Variants in SCAF4 observed in about 807,000 individuals in gnomAD.
SCAF4 encodes SR-related CTD associated factor 4, also known as SR-related and CTD-associated factor 4.
SCAF4 carries 25 observed loss-of-function variants against 129.8 expected under a neutral mutation model. That is an observed-to-expected ratio of 0.19 (90% CI 0.14 to 0.27). The LOEUF (loss-of-function observed/expected upper bound fraction) is 0.27. Among genes scored for constraint, SCAF4 ranks in the 10% least tolerant of loss-of-function variants. The pLI is 1.00. For synonymous variants in SCAF4, 551 were observed against 497.7 expected, an observed-to-expected ratio of 1.11 and a Z score of -1.43; for missense variants, 1,246 against 1,457.1, an observed-to-expected ratio of 0.86 and a Z score of 2.36.
Position 31,692,373 on chromosome 21 carries a change from C to A in SCAF4, c.1590G>T (p.Glu530Asp). 6.2e-7 allele frequency: 1 copy of A among 1,613,890 alleles called. No homozygotes were observed. Among genetic ancestry groups the A allele is most frequent in the Non-Finnish European group, 8.5e-7 (1 of 1,179,812 alleles). The change falls in exon 13 of 20, where the codon GAG becomes GAT. Residue 530 changes from glutamate (E) to aspartate (D), a missense_variant. Transcript: ENST00000286835. The part of the protein sequence containing the change: ...TQQDVASLLE[E>D]FGPIESINMI... ...CATTAATTGATTCAATTGGACCAAACTCTTCCAAGAGACTGGCAACATCCT... is the reference window on the plus strand; with the variant it reads ...CATTAATTGATTCAATTGGACCAAAATCTTCCAAGAGACTGGCAACATCCT...
chr21:31,685,763 C>G (rs561248924), intron 16 of SCAF4, 30 bp from the exon 17 acceptor site: 4 of 1,539,898 alleles, frequency 2.6e-6, no homozygotes, highest in African/African-American at 1.4e-5. Context: ...AATAAACCAC[C>G]TATCTAGACA....
intron 1 of SCAF4, among the ~76,000 whole-genome samples, 166 bp downstream of exon 1, chr21:31,731,497 G>A (rs906413124): frequency 6.6e-6 from 1 of 152,066 alleles, no homozygotes; most frequent in Non-Finnish European, 1.5e-5. Context: ...TGGTCGCCGC[G>A]ACCTCTCCCG....
In SCAF4 at chr21:31,694,212, T is replaced by A. The variant is rs1223855397; in HGVS notation, c.1314A>T (p.Ser438=). The A allele has an allele frequency of 6.3e-7, 1 of 1,596,238 alleles. No homozygotes were observed. Residue 438 remains serine, a synonymous_variant, in exon 11 of 20, where the codon TCA becomes TCT. Coordinates refer to ENST00000286835, the MANE Select transcript of SCAF4 (RefSeq NM_020706.2). Reference sequence around the variant, plus strand: ...CATTTTCTATAAATTACCTGGATGCTGACCTAGATCTTGACTTTCTGTTAT... The same window carrying A: ...CATTTTCTATAAATTACCTGGATGCAGACCTAGATCTTGACTTTCTGTTAT... ...MSDNRKSRSR[S]ASRSPKRRRS...
chr21:31,724,258 T>C (rs1359705986), intron 1 of SCAF4, among the ~76,000 whole-genome samples: 1 of 152,166 alleles, frequency 6.6e-6, no homozygotes, highest in Non-Finnish European at 1.5e-5. Context: ...TGTAGACATG[T>C]CTCTCCTAAG....
intron 19 of SCAF4, chr21:31,684,264 G>A (rs991894104): frequency 6.5e-6 from 1 of 153,220 alleles, no homozygotes; most frequent in African/African-American, 2.4e-5. Flanking sequence ...CTTCCAGTTA[G>A]GGGATTCAAG....
intron 7 of SCAF4, among the ~76,000 whole-genome samples, chr21:31,698,836 T>G (rs748004528): frequency 2.6e-4 from 39 of 152,224 alleles, no homozygotes; most frequent in Non-Finnish European, 5.0e-4. Context: ...CCTGCTGACC[T>G]GCCCTGCAAA....
intron 19 of SCAF4, among the ~76,000 whole-genome samples, chr21:31,675,585 C>T (rs1043817733): frequency 2.0e-5 from 3 of 152,010 alleles, no homozygotes; most frequent in African/African-American, 7.3e-5. Context: ...TGTTAACTCC[C>T]CCGGAATATA....
chr21:31,678,261 G>A (rs569036183), intron 19 of SCAF4, among the ~76,000 whole-genome samples: 2 of 152,250 alleles, frequency 1.3e-5, no homozygotes, highest in South Asian at 4.1e-4. Flanking sequence ...TCACAGGAAT[G>A]GCAATTACAT....
intron 19 of SCAF4, among the ~76,000 whole-genome samples, chr21:31,680,826 T>C (rs957278493): frequency 6.6e-5 from 10 of 152,192 alleles, no homozygotes; most frequent in Non-Finnish European, 1.5e-5. Flanking sequence ...GGCAAAGAAA[T>C]CCAAACTTAA....
rs8129566 is a variant in SCAF4 at position 31,710,568 on chromosome 21, A to G, written c.31-4211T>C. On this transcript the variant is annotated intron_variant, in intron 1 of 19. Coordinates refer to ENST00000286835, the MANE Select transcript of SCAF4 (RefSeq NM_020706.2). ...CGTCTCCAAAAACAAAAAACAAACA[A>G]ACAAAAAAACCACAAAACAGAAGAA... is the stretch of plus-strand genomic sequence containing the variant. Among the ~76,000 whole-genome samples, 381 of 152,274 alleles carry G rather than the reference A, an allele frequency of 2.5e-3. 1 individual carries two copies. Among genetic ancestry groups the G allele is most frequent in the African/African-American group, 8.9e-3 (368 of 41,546 alleles).
intron 1 of SCAF4, among the ~76,000 whole-genome samples, chr21:31,727,332 G>A (rs2051231029): frequency 6.6e-6 from 1 of 151,958 alleles, no homozygotes; most frequent in Admixed American, 6.6e-5. Context: ...CCCGCCTTGG[G>A]CTCCCAAAGT....
intron 1 of SCAF4, among the ~76,000 whole-genome samples, chr21:31,726,410 C>T (rs1256144206): frequency 6.6e-6 from 1 of 152,154 alleles, no homozygotes; most frequent in East Asian, 1.9e-4. Flanking sequence ...CCTGCAATCC[C>T]AGTACTTTCA....
intron 1 of SCAF4, among the ~76,000 whole-genome samples, chr21:31,717,870 CATATACACATATATACACAT>C (rs1555853935): frequency 8.0e-6 from 1 of 124,824 alleles, no homozygotes; most frequent in African/African-American, 3.5e-5. Context: ...CACACACACA[CATATACACATATATACACAT>C]ATATACACAT....
At chr21:31,708,410 AAAAG>A (rs1322697648) in intron 1 of SCAF4, among the ~76,000 whole-genome samples, 2 of 152,120 alleles carry the variant, frequency 1.3e-5, no homozygotes, top group East Asian at 1.9e-4. Flanking sequence ...AAAGAAAAGA[AAAAG>A]AAATAACAAA....
chr21:31,692,523 C>A (rs1179805855), intron 12 of SCAF4, 74 bp from the exon 13 acceptor site: 2 of 931,628 alleles, frequency 2.1e-6, no homozygotes, highest in East Asian at 5.2e-5. Flanking sequence ...ATTAAAAAAT[C>A]ATTACACAAA....
intron 19 of SCAF4, among the ~76,000 whole-genome samples, chr21:31,678,152 A>T (rs2049906042): frequency 6.6e-6 from 1 of 152,176 alleles, no homozygotes; most frequent in Admixed American, 6.5e-5. Context: ...AGATGTTACC[A>T]GTAGTTTACT....
At chr21:31,673,031 A>T (rs1012495494) in intron 19 of SCAF4, among the ~76,000 whole-genome samples, 7 of 152,236 alleles carry the variant, frequency 4.6e-5, no homozygotes, top group Admixed American at 3.9e-4. Flanking sequence ...CACGACCTGA[A>T]TAATGCTCAA....
intron 1 of SCAF4, among the ~76,000 whole-genome samples, chr21:31,707,990 C>A (rs772070547): frequency 6.6e-6 from 1 of 152,168 alleles, no homozygotes; most frequent in Non-Finnish European, 1.5e-5. Context: ...TAAAAGGATT[C>A]TCTAAATACG....
Position 31,696,442 on chromosome 21 carries a change from A to G in SCAF4, c.959+127T>C, listed in dbSNP as rs2050387502. On this transcript the variant is annotated intron_variant, in intron 8 of 19. Transcript: ENST00000286835. ...AGGATCCCTTCCTCATTCAAGAGAA[A>G]ACTAATACCACAAATTTTACAAAAC... is the stretch of plus-strand genomic sequence containing the variant. The G allele has an allele frequency of 6.6e-6, 7 of 1,053,938 alleles. No homozygotes were observed. In the South Asian group the frequency reaches 7.9e-5, roughly 12 times the overall value. The allele number at this position is 1,053,938 out of a possible 1,614,324, so 65.3% of individuals were successfully genotyped here. A position where few individuals can be genotyped will look rare whatever the true frequency, so the allele number is the denominator to read the frequency against.
Sources: gnomAD v4.1 joint callset for allele counts (sites outside exome capture counted in the v4.1 genomes callset) on GRCh38, gnomAD v4.1.1 for gene constraint, MANE v1.5 for transcripts, NCBI Gene and HGNC (gene_info 2026-07-23, HGNC 2026-07-21) for gene names.